The following SLC2A5 variants were observed in gnomAD, a reference collection of about 807,000 sequenced individuals.
The protein encoded by SLC2A5 is solute carrier family 2 member 5.
In SLC2A5, 56 loss-of-function variants were observed where a neutral mutation model predicts 50.3. The observed-to-expected ratio is 1.11, with a 90% CI of 0.90 to 1.39. SLC2A5 has a LOEUF of 1.39. Among genes scored for constraint, SLC2A5 ranks in the 40% most tolerant of loss-of-function variants. SLC2A5 has a pLI of 0.00. For synonymous variants in SLC2A5, 269 were observed against 281.9 expected, an observed-to-expected ratio of 0.95 and a Z score of 0.46; for missense variants, 566 against 650.1, an observed-to-expected ratio of 0.87 and a Z score of 1.41.
chr1:9,053,269 AT>A, intron 3 of SLC2A5, among the ~76,000 whole-genome samples: 1 of 12,626 alleles, frequency 7.9e-5, no homozygotes, highest in South Asian at 2.5e-3. Context: ...ATATATTTAT[AT>A]TATATATTTA....
chr1:9,058,363 A>T (rs1641818510), intron 1 of SLC2A5, 113 bp from the exon 2 acceptor site: 7 of 753,038 alleles, frequency 9.3e-6, no homozygotes, highest in Non-Finnish European at 1.6e-5. Flanking sequence ...TAGTCTTGAG[A>T]CTACTCCATT....
intron 1 of SLC2A5, among the ~76,000 whole-genome samples, chr1:9,062,737 T>G (rs1641977419): frequency 6.6e-6 from 1 of 151,854 alleles, no homozygotes; most frequent in African/African-American, 2.4e-5. Flanking sequence ...CCAGGCGTGG[T>G]GGCATATGCC....
intron 2 of SLC2A5, among the ~76,000 whole-genome samples, chr1:9,076,346 A>G (rs11121315): frequency 0.29 from 44,286 of 152,010 alleles, 7,394 homozygotes; most frequent in East Asian, 0.49. Flanking sequence ...CCCCCAGGCG[A>G]TGGAGATCTG....
intron 4 of SLC2A5, among the ~76,000 whole-genome samples, chr1:9,046,505 G>A (rs1464939491): frequency 6.6e-6 from 1 of 152,154 alleles, no homozygotes; most frequent in Admixed American, 6.5e-5. Context: ...AACTCAGTAC[G>A]CCCTTGGCAA....
intron 2 of SLC2A5, among the ~76,000 whole-genome samples, chr1:9,079,911 C>T (rs570966166): frequency 6.6e-6 from 1 of 152,340 alleles, no homozygotes; most frequent in African/African-American, 2.4e-5. Flanking sequence ...ATCTCCAGAA[C>T]CTTTTCATCT....
intron 1 of SLC2A5, among the ~76,000 whole-genome samples, chr1:9,059,241 C>T (rs1641842153): frequency 1.4e-5 from 2 of 142,198 alleles, no homozygotes; most frequent in African/African-American, 2.6e-5. Flanking sequence ...CTCCTGGGTT[C>T]ACGCCATTCT....
intron 4 of SLC2A5, among the ~76,000 whole-genome samples, chr1:9,042,430 C>T (rs144539092): frequency 4.0e-4 from 59 of 148,516 alleles, no homozygotes; most frequent in South Asian, 1.7e-3. Flanking sequence ...TGTGTGCGCG[C>T]GCATGATATA....
At chr1:9,064,780 G>C (rs570869737) in intron 1 of SLC2A5, among the ~76,000 whole-genome samples, 5 of 152,078 alleles carry the variant, frequency 3.3e-5, no homozygotes, top group Admixed American at 2.6e-4. Flanking sequence ...GGCCAGGCGC[G>C]GTGGCTCACA....
At chr1:9,046,907 G>A (rs1012280725) in intron 4 of SLC2A5, among the ~76,000 whole-genome samples, 2 of 152,030 alleles carry the variant, frequency 1.3e-5, no homozygotes, top group African/African-American at 4.8e-5. Context: ...ATAAGGGCGA[G>A]TTCTCCCATG....
intron 3 of SLC2A5, among the ~76,000 whole-genome samples, chr1:9,054,592 G>C (rs937571326): frequency 6.6e-6 from 1 of 152,048 alleles, no homozygotes; most frequent in Non-Finnish European, 1.5e-5. Context: ...TAAAACACCA[G>C]ATCTATCTGG....
upstream of SLC2A5, chr1:9,071,656 G>A (rs1039134330): frequency 6.6e-6 from 1 of 152,484 alleles, no homozygotes; most frequent in Non-Finnish European, 1.5e-5. Context: ...CATCCCGGGA[G>A]CTGCGGGCCG....
rs1641267694 is a variant in SLC2A5 at position 9,040,336 on chromosome 1, C to G, written c.572-147G>C. On this transcript the variant is annotated intron_variant, in intron 5 of 11. Coordinates refer to ENST00000377424, the MANE Select transcript of SLC2A5 (RefSeq NM_003039.3). This position sits in a 1 kb window ranked among gnomAD's most constrained non-coding sequence, Gnocchi z 4.3. Reference sequence around the variant, plus strand: ...TCCCAGCCCTAAGAACAGCAACTCCCGACGGTGGACACTCGGGAAACACCT... The same window carrying G: ...TCCCAGCCCTAAGAACAGCAACTCCGGACGGTGGACACTCGGGAAACACCT... The G allele has an allele frequency of 2.1e-6, 2 of 940,874 alleles. No homozygotes were observed. The highest frequency in any genetic ancestry group is 2.7e-5 in the East Asian group (1 of 37,146). The allele number at this position is 940,874 out of a possible 1,614,324, so 58.3% of individuals were successfully genotyped here.
At chr1:9,050,154 C>A (rs1295586205) in intron 3 of SLC2A5, among the ~76,000 whole-genome samples, 1 of 151,906 alleles carries the variant, frequency 6.6e-6, no homozygotes, top group African/African-American at 2.4e-5. Flanking sequence ...GCACACACTT[C>A]TAATTCCAGT....
intron 3 of SLC2A5, among the ~76,000 whole-genome samples, chr1:9,055,267 C>T (rs796114682): frequency 6.6e-6 from 1 of 152,090 alleles, no homozygotes; most frequent in East Asian, 1.9e-4. Context: ...CCTGTAATCT[C>T]AGCACTTTGG....
intron 2 of SLC2A5, among the ~76,000 whole-genome samples, chr1:9,081,087 A>C (rs142958668): frequency 4.1e-4 from 62 of 152,102 alleles, no homozygotes; most frequent in Admixed American, 2.0e-3. Context: ...AAAATACTAA[A>C]AACAAATAAA....
chr1:9,037,453 G>C lies in SLC2A5; in HGVS notation c.*133C>G. ...TGCACAGTTCCCACTGGGGTGGGGA[G>C]GCTGGAGATGAGGACTGCATTCCAC... is the stretch of plus-strand genomic sequence containing the variant. On this transcript the variant is annotated 3_prime_UTR_variant, in exon 12 of 12. Coordinates refer to ENST00000377424, the MANE Select transcript of SLC2A5 (RefSeq NM_003039.3). 1.3e-6 allele frequency: 1 copy of C among 744,418 alleles called. No homozygotes were observed. The highest frequency in any genetic ancestry group is 2.3e-6 in the Non-Finnish European group (1 of 439,772). 46.1% of individuals were successfully genotyped at this position (744,418 alleles called of 1,614,324 possible).
At chr1:9,043,629 G>A (rs545008912) in intron 4 of SLC2A5, among the ~76,000 whole-genome samples, 56 of 152,062 alleles carry the variant, frequency 3.7e-4, no homozygotes, top group African/African-American at 1.3e-3. Context: ...TTACCTGTAC[G>A]TTGGTGGAAA....
At chr1:9,043,319 A>G (rs1641352092) in intron 4 of SLC2A5, among the ~76,000 whole-genome samples, 1 of 152,204 alleles carries the variant, frequency 6.6e-6, no homozygotes, top group Admixed American at 6.5e-5. Flanking sequence ...AATTCTACCC[A>G]CAGATGTCTC....
chr1:9,037,668 A>G lies in SLC2A5; in HGVS notation c.1424T>C (p.Phe475Ser), dbSNP rs1641167047. 2.5e-6 allele frequency: 4 copies of G among 1,614,058 alleles called. No individual in the cohort carries two copies. Among genetic ancestry groups the G allele is most frequent in the Non-Finnish European group, 3.4e-6 (4 of 1,180,042 alleles). The change falls in exon 12 of 12, where the codon TTC becomes TCC. Residue 475 changes from phenylalanine to serine, a missense_variant. Phe to Ser is a radical substitution (Grantham distance 155). Transcript: ENST00000377424. Reference sequence around the variant, plus strand: ...TTCAGACACCTTATTCATCTTGGTGAAAATCTGGTTGATCTCTATGAACGT... The same window carrying G: ...TTCAGACACCTTATTCATCTTGGTGGAAATCTGGTTGATCTCTATGAACGT... ...AKTFIEINQI[F>S]TKMNKVSEVY...
Sources: gnomAD v4.1 joint callset for allele counts (sites outside exome capture counted in the v4.1 genomes callset) on GRCh38, gnomAD v4.1.1 for gene constraint, Gnocchi (gnomAD v3.1) non-coding constraint, MANE v1.5 for transcripts, NCBI Gene and HGNC (gene_info 2026-07-23, HGNC 2026-07-21) for gene names.